TNN: variants seen among roughly 807,000 people sequenced by gnomAD.
TNN encodes the protein tenascin-N.
In TNN, 122 loss-of-function variants were observed where a neutral mutation model predicts 134.4. That is an observed-to-expected ratio of 0.91 (90% CI 0.78 to 1.06). The LOEUF (loss-of-function observed/expected upper bound fraction) is 1.06. Ranked by LOEUF, TNN falls within the 50% of genes least tolerant of loss-of-function variation. The pLI, the probability that TNN is intolerant of heterozygous loss-of-function variation, is 0.00. For synonymous variants in TNN, 710 were observed against 670.3 expected (o/e 1.06, Z -0.91); for missense variants, 1,739 against 1,699.4 (o/e 1.02, Z -0.41).
intron 9 of TNN, among the ~76,000 whole-genome samples, chr1:175,110,982 C>T (rs1468048580): frequency 6.6e-6 from 1 of 151,700 alleles, no homozygotes; most frequent in Non-Finnish European, 1.5e-5. Flanking sequence ...CAAGACCAGC[C>T]TGGCCAACAT....
intron 1 of TNN, among the ~76,000 whole-genome samples, chr1:175,072,743 G>GC (rs1337222398): frequency 2.0e-5 from 3 of 151,996 alleles, no homozygotes; most frequent in African/African-American, 7.3e-5. Flanking sequence ...AAATCTGAGC[G>GC]CAACTTGTGG....
Position 175,079,335 on chromosome 1 carries a change from C to G in TNN, c.412C>G (p.Leu138Val). ...ACTGTTTCTCCTCTCCCTCCCAGAT[C>G]TAAGCCGCCACTGCAGCGGCCACGG... is the stretch of plus-strand genomic sequence containing the variant. Reference protein sequence around the residue: ...AQRCCQGVTDLSRHCSGHGTF... With the variant: ...AQRCCQGVTDVSRHCSGHGTF... The change falls in exon 3 of 19, where the codon CTA becomes GTA. Residue 138 changes from leucine to valine, a missense_variant and splice_region_variant. Transcript: ENST00000239462. 1 of 1,590,318 alleles carries G rather than the reference C, an allele frequency of 6.3e-7. No individual in the cohort carries two copies. Among genetic ancestry groups the G allele is most frequent in the Non-Finnish European group, 8.5e-7 (1 of 1,174,796 alleles).
intron 9 of TNN, among the ~76,000 whole-genome samples, chr1:175,099,045 T>C (rs1182838055): frequency 6.6e-6 from 1 of 152,208 alleles, no homozygotes; most frequent in East Asian, 1.9e-4. Flanking sequence ...ATAATAACAG[T>C]GTTTCCATTA....
chr1:175,070,418 G>C (rs940621654), intron 1 of TNN, among the ~76,000 whole-genome samples: 1 of 152,150 alleles, frequency 6.6e-6, no homozygotes, highest in Non-Finnish European at 1.5e-5. Flanking sequence ...CCTCAGGCGG[G>C]TGGGCAGACT....
At chr1:175,078,682 C>T (rs1244332260) in intron 2 of TNN, among the ~76,000 whole-genome samples, 4 of 152,198 alleles carry the variant, frequency 2.6e-5, no homozygotes, top group Admixed American at 6.5e-5. Flanking sequence ...TTCTGAAAAG[C>T]AGAAGCTGGG....
At position 175,123,642 on chromosome 1, in the gene TNN, G is replaced by A. The variant is rs1558368297; in HGVS notation, c.2893G>A (p.Ala965Thr). Residue 965 changes from alanine to threonine, a missense_variant, in exon 12 of 19, where the codon GCT becomes ACT. Transcript: ENST00000239462. Reference protein sequence around the residue: ...AQKGAQESKKADTKAQTELDP... With the variant: ...AQKGAQESKKTDTKAQTELDP... ...GAAGGGGGCCCAGGAGAGCAAGAAG[G>A]CTGACACCAAGGCCCAGACAGGTAC... The A allele has an allele frequency of 1.9e-6, 3 of 1,614,222 alleles. No homozygotes were observed. Among genetic ancestry groups the A allele is most frequent in the Non-Finnish European group, 2.5e-6 (3 of 1,180,042 alleles).
At chr1:175,134,862 C>T (rs1675757992) in intron 15 of TNN, among the ~76,000 whole-genome samples, 2 of 152,164 alleles carry the variant, frequency 1.3e-5, no homozygotes, top group South Asian at 2.1e-4. Context: ...CTGACCAGTC[C>T]ATTCCATACA....
In TNN at chr1:175,126,933, T is replaced by C. The variant is rs111986731; in HGVS notation, c.2915-22T>C. 180 of 1,595,342 alleles carry C rather than the reference T, an allele frequency of 1.1e-4. No homozygotes were observed. In the African/African-American group the frequency reaches 1.9e-3, roughly 17 times the overall value. On this transcript the variant is annotated intron_variant, in intron 12 of 18. Coordinates refer to ENST00000239462, the MANE Select transcript of TNN (RefSeq NM_022093.2). The stretch of plus-strand genomic sequence containing the variant: ...CTCAGTTGTATCTTAGTAATAACAA[T>C]TACCTGACTTTCTACGTACAGAACT...
rs554972284 is a variant in TNN, at chr1:175,112,987, G to A, written c.2120-3952G>A. ...ACATCCAAGGTTATTATTGATAGGA[G>A]AGGAGTGACTCCTGTCATTTGTAAA... On this transcript the variant is annotated intron_variant, in intron 9 of 18. Coordinates refer to ENST00000239462, the MANE Select transcript of TNN (RefSeq NM_022093.2). Among the ~76,000 whole-genome samples, 28 of 152,250 alleles carry A rather than the reference G, an allele frequency of 1.8e-4. 1 individual carries two copies. Among genetic ancestry groups the A allele is most frequent in the Admixed American group, 7.8e-4 (12 of 15,294 alleles).
intron 6 of TNN, 62 bp from the exon 7 acceptor site, chr1:175,093,928 T>C: frequency 6.5e-7 from 1 of 1,535,428 alleles, no homozygotes; most frequent in Admixed American, 1.8e-5. Flanking sequence ...TCTTTAACAA[T>C]CTATGATCTT....
chr1:175,085,290 A>G, intron 5 of TNN, 115 bp from the exon 6 acceptor site: 1 of 682,502 alleles, frequency 1.5e-6, no homozygotes, highest in South Asian at 1.7e-5. Context: ...TCATCTTTGG[A>G]GGAGGAAGCA....
At chr1:175,082,739 T>G (rs1277016168) in intron 4 of TNN, among the ~76,000 whole-genome samples, 1 of 152,140 alleles carries the variant, frequency 6.6e-6, no homozygotes, top group Non-Finnish European at 1.5e-5. Context: ...TCAGTAGGCC[T>G]GGGTGGAGAC....
chr1:175,104,989 G>A (rs1167905126), intron 9 of TNN, among the ~76,000 whole-genome samples: 1 of 145,852 alleles, frequency 6.9e-6, no homozygotes, highest in Admixed American at 6.9e-5. Flanking sequence ...CTGAGTCAAA[G>A]TCCCAGTGGG....
rs754911813 is a variant in TNN, at chr1:175,100,449, C to T, written c.2119+1854C>T. On this transcript the variant is annotated intron_variant, in intron 9 of 18. Transcript: ENST00000239462. ...CATGGGACTCACAGTGTATCTTTTT[C>T]CAAATAAATCCCTTCTTCAAGTCCC... Among the ~76,000 whole-genome samples the T allele has an allele frequency of 1.4e-3, 212 of 152,322 alleles. 1 individual carries two copies. Among genetic ancestry groups the T allele is most frequent in the Non-Finnish European group, 2.3e-3 (159 of 68,024 alleles).
At chr1:175,075,890 C>T (rs1005035967) in intron 1 of TNN, among the ~76,000 whole-genome samples, 4 of 152,170 alleles carry the variant, frequency 2.6e-5, no homozygotes, top group African/African-American at 9.7e-5. Context: ...AGAGCCTGTG[C>T]TCAAGCAAAA....
In TNN at chr1:175,094,199, T is replaced by G; in HGVS notation, c.1534T>G (p.Trp512Gly). ...KPGEAYKVYV[W>G]AERGNQGSKK... The stretch of plus-strand genomic sequence containing the variant: ...AGGAGAGGCATACAAGGTCTACGTG[T>G]GGGCTGAAAGGGGCAACCAGGGGAG... Residue 512 changes from tryptophan to glycine, a missense_variant, in exon 7 of 19, where the codon TGG becomes GGG. Physicochemically the swap from Trp to Gly is radical, Grantham distance 184 (BLOSUM62 -2). Coordinates refer to ENST00000239462, the MANE Select transcript of TNN (RefSeq NM_022093.2). 6.2e-7 allele frequency: 1 copy of G among 1,612,382 alleles called. No individual in the cohort carries two copies. The highest frequency in any genetic ancestry group is 8.5e-7 in the Non-Finnish European group (1 of 1,178,880).
intron 9 of TNN, among the ~76,000 whole-genome samples, chr1:175,109,441 C>T (rs1396030261): frequency 6.6e-6 from 1 of 151,966 alleles, no homozygotes; most frequent in Non-Finnish European, 1.5e-5. Flanking sequence ...TCCCCTTACT[C>T]CTACACTTCC....
intron 6 of TNN, among the ~76,000 whole-genome samples, chr1:175,089,158 T>C (rs987634686): frequency 1.3e-5 from 2 of 152,222 alleles, no homozygotes; most frequent in African/African-American, 4.8e-5. Flanking sequence ...GCTAGACTGT[T>C]AATTAATTTA....
At chr1:175,142,135 G>A (rs572975376) in intron 17 of TNN, among the ~76,000 whole-genome samples, 2 of 152,168 alleles carry the variant, frequency 1.3e-5, no homozygotes, top group African/African-American at 2.4e-5. Flanking sequence ...AGAGGGAGGC[G>A]GAAATGTGTA....
Sources: allele counts gnomAD v4.1 joint callset (sites outside exome capture counted in the v4.1 genomes callset), GRCh38; gene constraint gnomAD v4.1.1; transcripts MANE v1.5; gene names NCBI Gene and HGNC (gene_info 2026-07-23, HGNC 2026-07-21).